The following POU2F1 variants were observed in gnomAD, a reference collection of about 807,000 sequenced individuals.
POU2F1 encodes the protein POU domain, class 2, transcription factor 1.
In POU2F1, 16 loss-of-function variants were observed where a neutral mutation model predicts 84.9. That is an observed-to-expected ratio of 0.19 (90% CI 0.13 to 0.29). POU2F1 has a LOEUF of 0.29. POU2F1 is among the 10% of genes least tolerant of loss of function. POU2F1 has a pLI of 1.00. For synonymous variants in POU2F1, 368 were observed against 368.3 expected (o/e 1.00, Z 0.01); for missense variants, 738 against 942.6 (o/e 0.78, Z 2.84).
At chr1:167,256,202 C>T (rs1483677758) in intron 1 of POU2F1, among the ~76,000 whole-genome samples, 1 of 151,768 alleles carries the variant, frequency 6.6e-6, no homozygotes, top group African/African-American at 2.4e-5. Context: ...CAACGGGAAG[C>T]CTGAGAATAA....
intron 2 of POU2F1, among the ~76,000 whole-genome samples, chr1:167,351,438 A>T (rs1658553611): frequency 6.7e-6 from 1 of 150,074 alleles, no homozygotes; most frequent in African/African-American, 2.5e-5. Context: ...GAATCACTTG[A>T]ACCTGGGAGG....
In POU2F1 at chr1:167,417,649, TG is replaced by T. The variant is rs1410948580; in HGVS notation, c.*1841del. ...TGTGGGTGCTTGCTTAAATCTCTGGTGGTCCCAAGACTGCACTTTTTCTCCC... is the reference window on the plus strand; with the variant it reads ...TGTGGGTGCTTGCTTAAATCTCTGGTGTCCCAAGACTGCACTTTTTCTCCC... On this transcript the variant is annotated 3_prime_UTR_variant, in exon 16 of 16. Transcript: ENST00000367866. 6.6e-6 allele frequency: 1 copy of T among 152,228 alleles called. No homozygotes were observed. The highest frequency in any genetic ancestry group is 1.5e-5 in the Non-Finnish European group (1 of 68,056). The allele number at this position is 152,228 out of a possible 1,614,324, so 9.4% of individuals were successfully genotyped here. A position where few individuals can be genotyped will look rare whatever the true frequency, so the allele number is the denominator to read the frequency against.
intron 5 of POU2F1, among the ~76,000 whole-genome samples, chr1:167,372,312 A>G (rs1478525129): frequency 2.0e-5 from 3 of 152,228 alleles, no homozygotes; most frequent in Non-Finnish European, 4.4e-5. Context: ...TTGCTTCATC[A>G]TGCAATGGAG....
chr1:167,270,432 A>G (rs1014297181), intron 1 of POU2F1, among the ~76,000 whole-genome samples: 3 of 152,186 alleles, frequency 2.0e-5, no homozygotes, highest in African/African-American at 7.2e-5. Context: ...CTTGGCAGCA[A>G]AATAAAAGGC....
chr1:167,356,798 A>G (rs528617254), intron 2 of POU2F1, among the ~76,000 whole-genome samples: 3 of 152,284 alleles, frequency 2.0e-5, no homozygotes, highest in Non-Finnish European at 2.9e-5. Flanking sequence ...TGATCCTGGG[A>G]CTTTATAGGC....
chr1:167,281,385 G>A (rs1486165486), intron 1 of POU2F1, among the ~76,000 whole-genome samples: 1 of 152,186 alleles, frequency 6.6e-6, no homozygotes, highest in Non-Finnish European at 1.5e-5. Context: ...CAGGAAGAAG[G>A]TAGTGATAAA....
intron 1 of POU2F1, among the ~76,000 whole-genome samples, chr1:167,318,196 T>C (rs1389047328): frequency 6.6e-6 from 1 of 152,210 alleles, no homozygotes; most frequent in African/African-American, 2.4e-5. Flanking sequence ...TTTGATCTTA[T>C]TAAGAGCCAT....
Position 167,420,969 on chromosome 1 carries a change from A to G in POU2F1, c.*5159A>G, listed in dbSNP as rs1482493179. ...CTGATACTAATGGGAGAAAAATACT[A>G]AAGACCCAAAATTTAAAATTTTCCA... is the stretch of plus-strand genomic sequence containing the variant. On this transcript the variant is annotated 3_prime_UTR_variant, in exon 16 of 16. Transcript: ENST00000367866. The G allele has an allele frequency of 6.6e-6, 1 of 152,226 alleles. No individual in the cohort carries two copies. The highest frequency in any genetic ancestry group is 1.5e-5 in the Non-Finnish European group (1 of 68,036). The allele number at this position is 152,226 out of a possible 1,614,324, so 9.4% of individuals were successfully genotyped here. A position where few individuals can be genotyped will look rare whatever the true frequency, so the allele number is the denominator to read the frequency against.
intron 1 of POU2F1, 41 bp downstream of exon 1, chr1:167,220,999 A>AC: frequency 2.1e-6 from 3 of 1,463,362 alleles, no homozygotes; most frequent in Non-Finnish European, 2.8e-6. Flanking sequence ...TTCATACTCA[A>AC]CCCCGGCTCC....
chr1:167,356,713 T>C (rs923280338), intron 2 of POU2F1, among the ~76,000 whole-genome samples: 1 of 152,114 alleles, frequency 6.6e-6, no homozygotes, highest in Non-Finnish European at 1.5e-5. Flanking sequence ...ACAAAGGCTT[T>C]AGAACAGGAA....
intron 1 of POU2F1, among the ~76,000 whole-genome samples, chr1:167,311,805 TTTA>T (rs1460728704): frequency 4.6e-5 from 7 of 151,374 alleles, no homozygotes; most frequent in African/African-American, 1.5e-4. Flanking sequence ...TATTTATTTA[TTTA>T]TTTTTTCTTT....
intron 1 of POU2F1, among the ~76,000 whole-genome samples, chr1:167,300,557 C>G (rs1372644397): frequency 6.6e-6 from 1 of 152,144 alleles, no homozygotes; most frequent in Non-Finnish European, 1.5e-5. Flanking sequence ...CTCCGCCTCC[C>G]AGGTTCAAGC....
chr1:167,412,707 T>G (rs1015469822), intron 14 of POU2F1, among the ~76,000 whole-genome samples: 3 of 152,228 alleles, frequency 2.0e-5, no homozygotes, highest in African/African-American at 7.2e-5. Context: ...TCACACATTA[T>G]AAGAATTATC....
intron 1 of POU2F1, among the ~76,000 whole-genome samples, chr1:167,246,859 G>A (rs189862221): frequency 5.3e-5 from 8 of 152,274 alleles, no homozygotes; most frequent in East Asian, 1.9e-4. Flanking sequence ...TATGGAAGGA[G>A]TAATACTGTA....
chr1:167,366,513 A>G (rs897502032), intron 3 of POU2F1, among the ~76,000 whole-genome samples: 1 of 152,192 alleles, frequency 6.6e-6, no homozygotes, highest in African/African-American at 2.4e-5. Context: ...AAATTCTTCT[A>G]CTTGAAAACA....
At chr1:167,221,596 G>A (rs545199407) in intron 1 of POU2F1, among the ~76,000 whole-genome samples, 165 of 150,542 alleles carry the variant, frequency 1.1e-3, no homozygotes, top group African/African-American at 4.0e-3. Context: ...GGCCCTCAGG[G>A]CAACCGGGGG....
chr1:167,402,168 A>G (rs1245830878), intron 13 of POU2F1, among the ~76,000 whole-genome samples: 1 of 152,168 alleles, frequency 6.6e-6, no homozygotes, highest in Non-Finnish European at 1.5e-5. Context: ...CAAATTTTCC[A>G]GATAAATTTA....
chr1:167,252,164 T>G (rs1334176945), intron 1 of POU2F1, among the ~76,000 whole-genome samples: 1 of 152,094 alleles, frequency 6.6e-6, no homozygotes, highest in Non-Finnish European at 1.5e-5. Flanking sequence ...TGCAAGTCTC[T>G]TCTTCATATC....
At chr1:167,346,427 T>A (rs920332000) in intron 2 of POU2F1, among the ~76,000 whole-genome samples, 1 of 152,188 alleles carries the variant, frequency 6.6e-6, no homozygotes, top group Non-Finnish European at 1.5e-5. Flanking sequence ...AGCAGATAAG[T>A]AATACCTATC....
Sources: gnomAD v4.1 joint callset for allele counts (sites outside exome capture counted in the v4.1 genomes callset) on GRCh38, gnomAD v4.1.1 for gene constraint, MANE v1.5 for transcripts, NCBI Gene and HGNC (gene_info 2026-07-23, HGNC 2026-07-21) for gene names.